The following PCNX1 variants were observed in gnomAD, a reference collection of about 807,000 sequenced individuals.
PCNX1 encodes pecanex 1.
A neutral mutation model predicts 242.2 loss-of-function variants in PCNX1; 78 were observed. The ratio of observed to expected loss-of-function variants is 0.32; its 90% confidence interval spans 0.27 to 0.39. The LOEUF is 0.39. Among genes scored for constraint, PCNX1 ranks in the 10% least tolerant of loss-of-function variants. The probability of loss-of-function intolerance (pLI) is 1.00; values close to 1 mark genes in which losing one functional copy is unlikely to be tolerated. For missense variants in PCNX1, 2,581 were observed against 2,856.5 expected (o/e 0.90, Z 2.20); for synonymous variants, 1,024 against 1,032.9 (o/e 0.99, Z 0.17).
At position 71,076,161 on chromosome 14, in the gene PCNX1, T is replaced by C. The variant is rs114971548; in HGVS notation, c.5107-28T>C. 10,493 of 1,297,934 alleles carry C rather than the reference T, an allele frequency of 8.1e-3. 62 individuals carry two copies. The highest frequency in any genetic ancestry group is 0.015 in the South Asian group (1,221 of 80,762). 80.4% of individuals were successfully genotyped at this position (1,297,934 alleles called of 1,614,324 possible). A position where few individuals can be genotyped will look rare whatever the true frequency, so the allele number is the denominator to read the frequency against. ...ATTGAAATTGTAATTTAATCTGAAT[T>C]CTTTTTTTTTTGTCTTGTTCATGTT... On this transcript the variant is annotated intron_variant, in intron 27 of 35. Coordinates refer to ENST00000304743, the MANE Select transcript of PCNX1 (RefSeq NM_014982.3).
chr14:71,088,523 C>T, intron 29 of PCNX1, 93 bp downstream of exon 29: 2 of 673,818 alleles, frequency 3.0e-6, no homozygotes, highest in East Asian at 2.6e-5. Context: ...GTATTCTATG[C>T]TAATTTATTG....
chr14:71,041,717 TC>T (rs1040439271), intron 19 of PCNX1, among the ~76,000 whole-genome samples: 1 of 152,034 alleles, frequency 6.6e-6, no homozygotes, highest in African/African-American at 2.4e-5. Context: ...TCTTACTAGT[TC>T]CTTGAGGTAC....
At chr14:70,940,567 C>G (rs1566593276) in intron 1 of PCNX1, among the ~76,000 whole-genome samples, 1 of 152,066 alleles carries the variant, frequency 6.6e-6, no homozygotes, top group African/African-American at 2.4e-5. Flanking sequence ...ATATTTTTTT[C>G]TTCATTTCAA....
intron 12 of PCNX1, among the ~76,000 whole-genome samples, chr14:71,020,464 A>C (rs967345894): frequency 6.6e-6 from 1 of 152,074 alleles, no homozygotes; most frequent in African/African-American, 2.4e-5. Flanking sequence ...GACTTTAATG[A>C]TTGCTGTTCT....
intron 19 of PCNX1, among the ~76,000 whole-genome samples, chr14:71,042,637 T>TTTTA (rs965619814): frequency 6.6e-6 from 1 of 152,130 alleles, no homozygotes; most frequent in Non-Finnish European, 1.5e-5. Flanking sequence ...CAGAGTGTAT[T>TTTTA]TTTATTTATT....
At chr14:70,974,534 C>T (rs1195507079) in intron 5 of PCNX1, among the ~76,000 whole-genome samples, 3 of 152,104 alleles carry the variant, frequency 2.0e-5, no homozygotes, top group Non-Finnish European at 2.9e-5. Context: ...CATATTCAAT[C>T]GTTATTTATA....
chr14:70,998,555 A>T (rs1281090711), intron 8 of PCNX1, among the ~76,000 whole-genome samples: 1 of 152,046 alleles, frequency 6.6e-6, no homozygotes, highest in Admixed American at 6.5e-5. Context: ...GTTCTAGAGC[A>T]GCCTGGCCAA....
At chr14:70,941,695 C>T (rs1185955136) in intron 1 of PCNX1, among the ~76,000 whole-genome samples, 2 of 152,238 alleles carry the variant, frequency 1.3e-5, no homozygotes, top group Non-Finnish European at 2.9e-5. Context: ...GAAGTTTCTG[C>T]TGCCTTTTGT....
chr14:71,050,194 T>C (rs996175701), intron 22 of PCNX1, among the ~76,000 whole-genome samples: 4 of 152,284 alleles, frequency 2.6e-5, no homozygotes, highest in Admixed American at 2.0e-4. Context: ...TATTATACTT[T>C]AAGTTTTAGG....
intron 10 of PCNX1, 193 bp downstream of exon 10, chr14:71,011,742 C>A: frequency 1.8e-6 from 1 of 559,370 alleles, no homozygotes; most frequent in Non-Finnish European, 3.2e-6. Flanking sequence ...AACAAAAGTA[C>A]AAGGTTAAGA....
chr14:71,000,303 C>A (rs1275235862), intron 8 of PCNX1, among the ~76,000 whole-genome samples: 7 of 151,928 alleles, frequency 4.6e-5, no homozygotes, highest in Non-Finnish European at 1.5e-5. Context: ...TGGAAAATAC[C>A]ATGAAGAAAA....
At chr14:71,011,458 G>T (rs770564217) in intron 9 of PCNX1, 34 bp from the exon 10 acceptor site, 6 of 1,209,220 alleles carry the variant, frequency 5.0e-6, no homozygotes, top group South Asian at 1.3e-5. Context: ...CTTTCTGCTT[G>T]ACAAACTGTT....
In PCNX1 at chr14:71,108,697, G is replaced by T. The variant is rs199602987; in HGVS notation, c.6395G>T (p.Ser2132Ile). ...GCCAGCCAGTCTTCCTACTGCTATAGCAGCCGGCATTCATCCCTCCGGATG... is the reference window on the plus strand; with the variant it reads ...GCCAGCCAGTCTTCCTACTGCTATATCAGCCGGCATTCATCCCTCCGGATG... ...SVASQSSYCY[S>I]SRHSSLRMST... Residue 2132 changes from serine to isoleucine, a missense_variant, in exon 34 of 36, where the codon AGC becomes ATC. Ser to Ile is a moderately radical substitution (Grantham distance 142, BLOSUM62 -2). Around this residue, in one of 9 missense-constraint regions of PCNX1, gnomAD observed 432 missense variants for 433.6 expected, o/e 1.00. Transcript: ENST00000304743. The T allele has an allele frequency of 1.2e-6, 2 of 1,614,234 alleles. No homozygotes were observed. Among genetic ancestry groups the T allele is most frequent in the African/African-American group, 2.7e-5 (2 of 75,062 alleles).
rs377153315 is a variant in PCNX1, at chr14:71,001,627, C to T, written c.2629+5702C>T. Among the ~76,000 whole-genome samples the T allele has an allele frequency of 2.0e-5, 3 of 152,272 alleles. 1 individual carries two copies. The highest frequency in any genetic ancestry group is 7.2e-5 in the African/African-American group (3 of 41,566). On this transcript the variant is annotated intron_variant, in intron 8 of 35. Transcript: ENST00000304743. ...TCTTGCTAGTATGTTGTAAAGAATT[C>T]ATTGAATCACTAGACTAGATTATCT...
Position 71,006,103 on chromosome 14 carries a change from C to CTGTGTG in PCNX1, c.2630-3469_2630-3464dup, listed in dbSNP as rs60147260. 1.2e-4 allele frequency among the ~76,000 whole-genome samples: 14 copies of CTGTGTG among 114,154 alleles called. 1 individual carries two copies. Among genetic ancestry groups the CTGTGTG allele is most frequent in the East Asian group, 7.6e-4 (3 of 3,966 alleles). The allele number at this position is 114,154 out of a possible 152,430, so 74.9% of individuals were successfully genotyped here. Reference sequence around the variant, plus strand: ...ACACCCAGCTAGTACGTGTGTGTGTCTGTGTGTGTGTGTGTGTGTGTGTGT... The same window carrying CTGTGTG: ...ACACCCAGCTAGTACGTGTGTGTGTCTGTGTGTGTGTGTGTGTGTGTGTGTGTGTGT... On this transcript the variant is annotated intron_variant, in intron 8 of 35. Coordinates refer to ENST00000304743, the MANE Select transcript of PCNX1 (RefSeq NM_014982.3).
Position 70,975,255 on chromosome 14 carries a change from C to T in PCNX1, c.605-1687C>T, listed in dbSNP as rs146317075. 1.5e-3 allele frequency among the ~76,000 whole-genome samples: 235 copies of T among 152,004 alleles called. 2 individuals are homozygous for T. The highest frequency in any genetic ancestry group is 5.5e-3 in the African/African-American group (228 of 41,484). ...AACATTATAATTTAATATTACAAAA[C>T]GTACAATGCTAGCTTTTAAATTTTG... is the stretch of plus-strand genomic sequence containing the variant. On this transcript the variant is annotated intron_variant, in intron 5 of 35. Transcript: ENST00000304743.
Position 71,028,880 on chromosome 14 carries a change from C to T in PCNX1, c.3558+89C>T, listed in dbSNP as rs189653847. 7.7e-5 allele frequency: 53 copies of T among 692,250 alleles called. 1 individual carries two copies. The highest frequency in any genetic ancestry group is 4.1e-4 in the Middle Eastern group (1 of 2,466). 42.9% of individuals were successfully genotyped at this position (692,250 alleles called of 1,614,324 possible). ...AAATCAACTAATAATGATTTCTTCCCCTGGTATCGCTTAGCATTAATTTTC... is the reference window on the plus strand; with the variant it reads ...AAATCAACTAATAATGATTTCTTCCTCTGGTATCGCTTAGCATTAATTTTC... On this transcript the variant is annotated intron_variant, in intron 16 of 35. Coordinates refer to ENST00000304743, the MANE Select transcript of PCNX1 (RefSeq NM_014982.3).
chr14:70,949,254 C>CACACACACGTGTGTACACACACGTGTAT (rs2057644001), intron 2 of PCNX1, among the ~76,000 whole-genome samples: 1 of 120,952 alleles, frequency 8.3e-6, no homozygotes, highest in Non-Finnish European at 1.7e-5. Flanking sequence ...CACGTGTATA[C>CACACACACGTGTGTACACACACGTGTAT]ACACACACGT....
chr14:71,054,516 C>T (rs1379945691), intron 24 of PCNX1, among the ~76,000 whole-genome samples: 1 of 152,148 alleles, frequency 6.6e-6, no homozygotes, highest in South Asian at 2.1e-4. Context: ...TTATTATTGT[C>T]AACAAGTATT....
Sources: allele counts gnomAD v4.1 joint callset (sites outside exome capture counted in the v4.1 genomes callset), GRCh38; gene constraint gnomAD v4.1.1; regional missense constraint gnomAD v4.1.1; transcripts MANE v1.5; gene names NCBI Gene and HGNC (gene_info 2026-07-23, HGNC 2026-07-21).